Variants in LRP1B observed in about 807,000 individuals in gnomAD.
LRP1B encodes low-density lipoprotein receptor-related protein 1B.
LRP1B carries 217 observed loss-of-function variants against 556.6 expected under a neutral mutation model. That is an observed-to-expected ratio of 0.39 (90% CI 0.35 to 0.44). LRP1B has a LOEUF of 0.44. Among genes scored for constraint, LRP1B ranks in the 20% least tolerant of loss-of-function variants. LRP1B has a pLI of 1.00. For missense variants in LRP1B, 5,053 were observed against 5,620.8 expected, an observed-to-expected ratio of 0.90 and a Z score of 3.23; for synonymous variants, 2,047 against 1,865.8, an observed-to-expected ratio of 1.10 and a Z score of -2.50.
At chr2:141,078,153 A>G (rs944226235) in intron 7 of LRP1B, among the ~76,000 whole-genome samples, 1 of 152,158 alleles carries the variant, frequency 6.6e-6, no homozygotes, top group African/African-American at 2.4e-5. Flanking sequence ...CAGAAGTCAA[A>G]TGTTCTACTG....
intron 1 of LRP1B, among the ~76,000 whole-genome samples, chr2:141,957,225 C>A (rs527661238): frequency 1.3e-5 from 2 of 151,956 alleles, no homozygotes; most frequent in African/African-American, 4.8e-5. Context: ...GACGAGACAA[C>A]TCATGTATCT....
intron 15 of LRP1B, among the ~76,000 whole-genome samples, chr2:140,998,782 CCAG>C (rs1218482814): frequency 6.6e-6 from 1 of 152,008 alleles, no homozygotes; most frequent in African/African-American, 2.4e-5. Context: ...TGAACATTTG[CCAG>C]TGGATTTTTG....
chr2:141,817,115 A>G (rs1696584548), intron 1 of LRP1B, among the ~76,000 whole-genome samples: 1 of 152,174 alleles, frequency 6.6e-6, no homozygotes, highest in Non-Finnish European at 1.5e-5. Context: ...ATCAGAAGCT[A>G]AACATGTTGT....
At chr2:142,103,829 C>T (rs1444448642) in intron 1 of LRP1B, among the ~76,000 whole-genome samples, 6 of 152,042 alleles carry the variant, frequency 3.9e-5, no homozygotes, top group African/African-American at 1.2e-4. Flanking sequence ...ATACTATTGG[C>T]TGATTCTTAC....
chr2:141,576,753 CAAAAAA>C (rs72183984), intron 2 of LRP1B, among the ~76,000 whole-genome samples: 1 of 92,308 alleles, frequency 1.1e-5, no homozygotes, highest in Non-Finnish European at 2.0e-5. Flanking sequence ...GCCCCTGTCT[CAAAAAA>C]AAAAAAAAAA....
chr2:141,966,844 A>G (rs1355526436), intron 1 of LRP1B, among the ~76,000 whole-genome samples: 2 of 151,870 alleles, frequency 1.3e-5, no homozygotes, highest in African/African-American at 4.8e-5. Context: ...GATACATTCA[A>G]TTTGTATGCC....
intron 7 of LRP1B, among the ~76,000 whole-genome samples, chr2:141,115,748 C>A (rs996529712): frequency 1.3e-5 from 2 of 151,810 alleles, no homozygotes; most frequent in African/African-American, 2.4e-5. Context: ...TCCCAAAGTG[C>A]TGGAATTACA....
intron 1 of LRP1B, among the ~76,000 whole-genome samples, chr2:142,128,462 T>C (rs1208511421): frequency 6.6e-6 from 1 of 152,216 alleles, no homozygotes; most frequent in African/African-American, 2.4e-5. Context: ...TATATTCCCA[T>C]ATCTTCTGTT....
chr2:140,475,848 A>T (rs1168922780), intron 59 of LRP1B, among the ~76,000 whole-genome samples: 1 of 151,986 alleles, frequency 6.6e-6, no homozygotes, highest in East Asian at 1.9e-4. Context: ...AAATGAAATG[A>T]ACTGTATTGC....
At position 140,987,494 on chromosome 2, in the gene LRP1B, TATAA is replaced by T. The variant is rs200608718; in HGVS notation, c.2770+2034_2770+2037del. ...ACATAAACGTTTTTACTTTTACTAC[TATAA>T]ATAGCTAGCCAATCACAAATGCTTC... On this transcript the variant is annotated intron_variant, in intron 17 of 90. Coordinates refer to ENST00000389484, the MANE Select transcript of LRP1B (RefSeq NM_018557.3). Among the ~76,000 whole-genome samples, 1,215 of 152,250 alleles carry T rather than the reference TATAA, an allele frequency of 8.0e-3. 21 individuals carry two copies. Among genetic ancestry groups the T allele is most frequent in the African/African-American group, 0.028 (1,175 of 41,548 alleles).
intron 1 of LRP1B, among the ~76,000 whole-genome samples, chr2:142,095,073 TA>T (rs1291064554): frequency 8.0e-5 from 12 of 150,088 alleles, no homozygotes; most frequent in Non-Finnish European, 1.8e-4. Flanking sequence ...AATAGCAAAA[TA>T]AAAAAATAGT....
chr2:140,333,173 C>A (rs1680898841), intron 79 of LRP1B, among the ~76,000 whole-genome samples: 1 of 151,962 alleles, frequency 6.6e-6, no homozygotes, highest in African/African-American at 2.4e-5. Flanking sequence ...AAAACTCTTT[C>A]CTCATATTCA....
chr2:141,693,273 G>A (rs1407697671), intron 2 of LRP1B, among the ~76,000 whole-genome samples: 3 of 151,868 alleles, frequency 2.0e-5, no homozygotes, highest in Non-Finnish European at 4.4e-5. Context: ...TCCATTCTGA[G>A]AAAAATAAAT....
intron 79 of LRP1B, among the ~76,000 whole-genome samples, chr2:140,329,105 C>A (rs1419199947): frequency 2.0e-5 from 3 of 151,736 alleles, no homozygotes; most frequent in African/African-American, 7.3e-5. Context: ...ACATACTCTC[C>A]TTACTGGATG....
intron 66 of LRP1B, among the ~76,000 whole-genome samples, chr2:140,403,642 A>G (rs1333669874): frequency 6.6e-6 from 1 of 152,186 alleles, no homozygotes; most frequent in Non-Finnish European, 1.5e-5. Flanking sequence ...AAATGACAAA[A>G]ACCTATACAT....
intron 2 of LRP1B, among the ~76,000 whole-genome samples, chr2:141,579,123 T>C (rs1163333246): frequency 6.6e-6 from 1 of 152,196 alleles, no homozygotes; most frequent in Admixed American, 6.5e-5. Context: ...TTCTTTTCCA[T>C]GGATGCCAAT....
intron 3 of LRP1B, among the ~76,000 whole-genome samples, chr2:141,464,606 A>ATATATTTTTTTTTTTTTTTTTTTTT: frequency 7.7e-5 from 7 of 90,532 alleles, no homozygotes; most frequent in Admixed American, 1.2e-4. Context: ...ATATATATAT[A>ATATATTTTTTTTTTTTTTTTTTTTT]TTTTTTTAGT....
chr2:141,235,836 T>A (rs1375511659), intron 5 of LRP1B, among the ~76,000 whole-genome samples: 1 of 152,212 alleles, frequency 6.6e-6, no homozygotes, highest in Non-Finnish European at 1.5e-5. Context: ...TAAGTTAATA[T>A]AGCTATTAAG....
At chr2:140,711,753 A>G (rs1221701335) in intron 37 of LRP1B, among the ~76,000 whole-genome samples, 1 of 152,138 alleles carries the variant, frequency 6.6e-6, no homozygotes, top group Non-Finnish European at 1.5e-5. Flanking sequence ...TGATAACCTT[A>G]GAAATACAGA....
Sources: allele counts gnomAD v4.1 joint callset (sites outside exome capture counted in the v4.1 genomes callset), GRCh38; gene constraint gnomAD v4.1.1; transcripts MANE v1.5; gene names NCBI Gene and HGNC (gene_info 2026-07-23, HGNC 2026-07-21).